The following ZC3H7A variants were observed in gnomAD, a reference collection of about 807,000 sequenced individuals.
ZC3H7A encodes the protein zinc finger CCCH domain-containing protein 7A.
In ZC3H7A, 44 loss-of-function variants were observed where a neutral mutation model predicts 125.5. The observed-to-expected ratio is 0.35, with a 90% confidence interval of 0.28 to 0.45. The LOEUF (loss-of-function observed/expected upper bound fraction) is 0.45. Among genes scored for constraint, ZC3H7A ranks in the 20% least tolerant of loss-of-function variants. The pLI is 1.00. For synonymous variants in ZC3H7A, 399 were observed against 391.2 expected (o/e 1.02, Z -0.23); for missense variants, 977 against 1,170.7 (o/e 0.83, Z 2.41).
rs1271764596 is a variant in ZC3H7A at position 11,763,591 on chromosome 16, C to T, written c.1889G>A (p.Cys630Tyr). ...YSKIRSFHGQCQLDLCRHEVR... is the reference protein window; with the variant it reads ...YSKIRSFHGQYQLDLCRHEVR... ...TTCATGTCGACATAAATCAAGCTGA[C>T]ACTGACCATGAAAAGAACGTATTTT... The change falls in exon 16 of 23, where the codon TGT (cysteine) becomes TAT (tyrosine). Residue 630 changes from cysteine (C) to tyrosine (Y), a missense_variant. Physicochemically the swap from Cys to Tyr is radical, Grantham distance 194. Around this residue, in one of 3 missense-constraint regions of ZC3H7A, gnomAD observed 436 missense variants for 603.2 expected, o/e 0.72. Transcript: ENST00000355758. The T allele has an allele frequency of 6.2e-7, 1 of 1,611,092 alleles. No homozygotes were observed. Among genetic ancestry groups the T allele is most frequent in the African/African-American group, 1.3e-5 (1 of 74,656 alleles).
chr16:11,760,563 CAGAG>C lies in ZC3H7A; in HGVS notation c.2319+839_2319+842del, dbSNP rs1353882091. ...TCTTCTTCAACTCCTTCTTGCAGTT[CAGAG>C]AGAGGCCTCATTTACACGGGGACTC... On this transcript the variant is annotated intron_variant, in intron 19 of 22. Coordinates refer to ENST00000355758, the MANE Select transcript of ZC3H7A (RefSeq NM_014153.4). 2.6e-5 allele frequency among the ~76,000 whole-genome samples: 4 copies of C among 152,180 alleles called. No individual in the cohort carries two copies. In the South Asian group the frequency reaches 8.3e-4, roughly 32 times the overall value.
chr16:11,758,546 A>C lies in ZC3H7A; in HGVS notation c.2320-7T>G, dbSNP rs2052690931. On this transcript the variant is annotated splice_region_variant and splice_polypyrimidine_tract_variant and intron_variant, in intron 19 of 22. Transcript: ENST00000355758. ...AAGCAATATGGTTGCACAGCTGTAT[A>C]AAAAAATAGGAATATGATTAAGACA... 2 of 1,599,042 alleles carry C rather than the reference A, an allele frequency of 1.3e-6. No homozygotes were observed. The highest frequency in any genetic ancestry group is 2.2e-5 in the East Asian group (1 of 44,792).
intron 1 of ZC3H7A, among the ~76,000 whole-genome samples, chr16:11,791,857 C>T (rs192738882): frequency 6.6e-6 from 1 of 152,210 alleles, no homozygotes; most frequent in Non-Finnish European, 1.5e-5. Context: ...TGACAAGTTT[C>T]ACTGATCCCC....
intron 17 of ZC3H7A, 21 bp from the exon 18 acceptor site, chr16:11,762,064 G>A (rs370900015): frequency 2.4e-5 from 37 of 1,551,564 alleles, no homozygotes; most frequent in African/African-American, 4.2e-5. Context: ...TAAAAGATTC[G>A]TTTTAATTTT....
At chr16:11,759,476 T>C (rs1332760141) in intron 19 of ZC3H7A, 2 of 152,148 alleles carry the variant, frequency 1.3e-5, no homozygotes, top group Non-Finnish European at 2.9e-5. Context: ...ACCCCACCCT[T>C]AAAATCTTCT....
At chr16:11,766,629 T>C (rs1365035840) in intron 13 of ZC3H7A, among the ~76,000 whole-genome samples, 12 of 152,006 alleles carry the variant, frequency 7.9e-5, no homozygotes, top group Admixed American at 7.9e-4. Flanking sequence ...ATGCCTGTAA[T>C]CCTTACACTC....
At position 11,797,145 on chromosome 16, in the gene ZC3H7A, CG is replaced by C; in HGVS notation, c.-57del. ...CTACCTGTGGGGACGACGCGCCGGC[CG>C]GCGGCAGAAGGCAGGCGGAGGCGGG... On this transcript the variant is annotated 5_prime_UTR_variant, in exon 1 of 23. Transcript: ENST00000355758. The C allele has an allele frequency of 6.6e-6, 1 of 151,954 alleles. No individual in the cohort carries two copies. The highest frequency in any genetic ancestry group is 1.4e-5 in the Non-Finnish European group (1 of 69,552). 9.4% of individuals were successfully genotyped at this position (151,954 alleles called of 1,614,324 possible).
At chr16:11,760,145 A>G (rs2052727915) in intron 19 of ZC3H7A, among the ~76,000 whole-genome samples, 1 of 138,524 alleles carries the variant, frequency 7.2e-6, no homozygotes, top group Non-Finnish European at 1.6e-5. Flanking sequence ...AAAAAAAAAA[A>G]GAAAAAAAGT....
intron 8 of ZC3H7A, among the ~76,000 whole-genome samples, 175 bp downstream of exon 8, chr16:11,774,805 C>T (rs2053051689): frequency 2.0e-5 from 3 of 152,152 alleles, no homozygotes; most frequent in Non-Finnish European, 2.9e-5. Flanking sequence ...TTCAGTCACT[C>T]ACTGGCACAT....
At chr16:11,776,672 G>C in intron 5 of ZC3H7A, 79 bp downstream of exon 5, 1 of 1,526,260 alleles carries the variant, frequency 6.6e-7, no homozygotes, top group Non-Finnish European at 8.8e-7. Flanking sequence ...ATGGATGACT[G>C]GAAAATTTAA....
chr16:11,765,771 C>T lies in ZC3H7A; in HGVS notation c.1523-86G>A. 7 of 1,367,492 alleles carry T rather than the reference C, an allele frequency of 5.1e-6. No individual in the cohort carries two copies. The South Asian group carries it at 1.0e-4, about 20-fold the overall frequency. 84.7% of individuals were successfully genotyped at this position (1,367,492 alleles called of 1,614,324 possible). A position where few individuals can be genotyped will look rare whatever the true frequency, so the allele number is the denominator to read the frequency against. On this transcript the variant is annotated intron_variant, in intron 13 of 22. Coordinates refer to ENST00000355758, the MANE Select transcript of ZC3H7A (RefSeq NM_014153.4). The surrounding 1 kb of genome is among the most constrained non-coding windows in gnomAD (Gnocchi z 4.8). ...ACTTGGGAGGCTGAGGTGGGAGGAT[C>T]CCTTGAGCCCAGGAGTTCAAGGCTG... is the stretch of plus-strand genomic sequence containing the variant.
chr16:11,759,840 C>T (rs7195482), intron 19 of ZC3H7A: 25,636 of 152,284 alleles, frequency 0.17, 3,844 homozygotes, highest in African/African-American at 0.4. Flanking sequence ...GGGCCGGGCA[C>T]GGTGGCTCAC....
intron 19 of ZC3H7A, 142 bp from the exon 20 acceptor site, chr16:11,758,681 T>G (rs1052763442): frequency 6.5e-6 from 4 of 617,262 alleles, no homozygotes; most frequent in Non-Finnish European, 1.1e-5. Context: ...TTGACTCTAC[T>G]CAAATTAACT....
chr16:11,760,497 A>G (rs1482337119), intron 19 of ZC3H7A, among the ~76,000 whole-genome samples: 1 of 152,232 alleles, frequency 6.6e-6, no homozygotes, highest in Non-Finnish European at 1.5e-5. Context: ...TAAGTTTTAC[A>G]AAACTGCAAG....
At chr16:11,763,400 C>T (rs1596382265) in intron 16 of ZC3H7A, 78 bp downstream of exon 16, 16 of 1,443,276 alleles carry the variant, frequency 1.1e-5, no homozygotes, top group East Asian at 4.9e-5. Context: ...TGAGCCACCA[C>T]GCCAGGCCCA....
intron 1 of ZC3H7A, among the ~76,000 whole-genome samples, chr16:11,785,083 G>A (rs1035585589): frequency 2.0e-5 from 3 of 151,980 alleles, no homozygotes; most frequent in Non-Finnish European, 1.5e-5. Flanking sequence ...GCTTCAACCC[G>A]GGAGGCGGAG....
intron 1 of ZC3H7A, among the ~76,000 whole-genome samples, chr16:11,790,012 T>C (rs1596406681): frequency 7.3e-6 from 1 of 136,098 alleles, no homozygotes; most frequent in African/African-American, 2.8e-5. Flanking sequence ...ACCCGGGAGG[T>C]GCAGGCTGCA....
Position 11,776,231 on chromosome 16 carries a change from T to C in ZC3H7A, c.585+89A>G, listed in dbSNP as rs1016762865. Reference sequence around the variant, plus strand: ...TGAGGAATTAAAAAGGTTCCAAAAATAAACACACACCAAAAATACTAAAAG... The same window carrying C: ...TGAGGAATTAAAAAGGTTCCAAAAACAAACACACACCAAAAATACTAAAAG... On this transcript the variant is annotated intron_variant, in intron 7 of 22. Coordinates refer to ENST00000355758, the MANE Select transcript of ZC3H7A (RefSeq NM_014153.4). The C allele has an allele frequency of 1.9e-5, 26 of 1,347,170 alleles. No individual in the cohort carries two copies. In the Admixed American group the frequency reaches 2.4e-4, roughly 13 times the overall value. 83.5% of individuals were successfully genotyped at this position (1,347,170 alleles called of 1,614,324 possible).
At chr16:11,779,024 AT>A (rs2053130607) in intron 4 of ZC3H7A, 141 bp downstream of exon 4, 1 of 749,986 alleles carries the variant, frequency 1.3e-6, no homozygotes, top group East Asian at 3.0e-5. Flanking sequence ...TCCAAAGCTA[AT>A]TTTTAAAAGC....
Sources: gnomAD v4.1 joint callset for allele counts (sites outside exome capture counted in the v4.1 genomes callset) on GRCh38, gnomAD v4.1.1 for gene constraint, gnomAD v4.1.1 regional missense constraint, Gnocchi (gnomAD v3.1) non-coding constraint, MANE v1.5 for transcripts, NCBI Gene and HGNC (gene_info 2026-07-23, HGNC 2026-07-21) for gene names.